Variants in NLRP5 observed in about 807,000 individuals in gnomAD.
NLRP5 encodes NACHT, LRR and PYD domains-containing protein 5.
NLRP5 carries 93 observed loss-of-function variants against 113.1 expected under a neutral mutation model. The ratio of observed to expected loss-of-function variants is 0.82; its 90% CI spans 0.70 to 0.98. NLRP5 has a LOEUF of 0.98. Ranked by LOEUF, NLRP5 falls within the 50% of genes least tolerant of loss-of-function variation. NLRP5 has a pLI of 0.00. For missense variants in NLRP5, 1,808 were observed against 1,514.3 expected, an observed-to-expected ratio of 1.19 and a Z score of -3.22; for synonymous variants, 751 against 600.7, an observed-to-expected ratio of 1.25 and a Z score of -3.66.
At chr19:56,013,596 G>GTTTTTTTTTTTTTTTTTTTTTTGTT (rs71183002) in intron 3 of NLRP5, among the ~76,000 whole-genome samples, 1 of 59,284 alleles carries the variant, frequency 1.7e-5, no homozygotes, top group African/African-American at 8.7e-5. Flanking sequence ...GGACATTTGG[G>GTTTTTTTTTTTTTTTTTTTTTTGTT]TTTTTTTTTT....
Position 56,061,423 on chromosome 19 carries a change from A to T in NLRP5, c.3498A>T (p.Gln1166His). Reference sequence around the variant, plus strand: ...TGTGGAAATGGCAGTACCCTGTGCAAATAAGGAAGCTGCTGGAGGAAGTGC... The same window carrying T: ...TGTGGAAATGGCAGTACCCTGTGCATATAAGGAAGCTGCTGGAGGAAGTGC... The change falls in exon 15 of 15, where the codon CAA becomes CAT. Residue 1166 changes from glutamine (Q) to histidine (H), a missense_variant. Physicochemically the swap from Gln to His is conservative, Grantham distance 24. Coordinates refer to ENST00000390649, the MANE Select transcript of NLRP5 (RefSeq NM_153447.4). 1 of 1,614,008 alleles carries T rather than the reference A, an allele frequency of 6.2e-7. No homozygotes were observed. Among genetic ancestry groups the T allele is most frequent in the Non-Finnish European group, 8.5e-7 (1 of 1,179,884 alleles).
At chr19:56,012,647 TTTGGAACGATCTTACAATTATTTTCC>T (rs146585823) in intron 3 of NLRP5, among the ~76,000 whole-genome samples, 48,670 of 150,676 alleles carry the variant, frequency 0.32, 8,019 homozygotes, top group Non-Finnish European at 0.36. Context: ...TTTTGCATAA[TTTGGAACGATCTTACAATTATTTTCC>T]TTGGAACGAT....
In NLRP5 at chr19:56,038,159, C is replaced by T. The variant is rs1983387878; in HGVS notation, c.2750C>T (p.Ala917Val). The T allele has an allele frequency of 1.2e-6, 2 of 1,613,932 alleles. No individual in the cohort carries two copies. Among genetic ancestry groups the T allele is most frequent in the Admixed American group, 1.7e-5 (1 of 60,006 alleles). The change falls in exon 10 of 15, where the codon GCC becomes GTC. Residue 917 changes from alanine to valine, a missense_variant. By Grantham distance (64) the Ala-to-Val change is moderately conservative. Transcript: ENST00000390649. ...CAGGGAGTAATGCCTCTCAGTGATG[C>T]CTTGAGAGTCTCCCAGTGCGCCCTG...
At chr19:56,008,655 C>T in intron 2 of NLRP5, 133 bp from the exon 3 acceptor site, 4 of 755,678 alleles carry the variant, frequency 5.3e-6, no homozygotes, top group Admixed American at 4.4e-5. Flanking sequence ...ATAGGCCAAT[C>T]ATGGAATAAA....
At chr19:56,020,035 C>T (rs1187564249) in intron 5 of NLRP5, among the ~76,000 whole-genome samples, 2 of 151,814 alleles carry the variant, frequency 1.3e-5, no homozygotes, top group South Asian at 2.1e-4. Flanking sequence ...TGGGGTTTCA[C>T]CATATTGGCC....
At chr19:56,019,749 CCTT>C (rs2123292409) in intron 5 of NLRP5, among the ~76,000 whole-genome samples, 1 of 152,164 alleles carries the variant, frequency 6.6e-6, no homozygotes, top group South Asian at 2.1e-4. Context: ...TTTTGTAATT[CCTT>C]CTATCAACTA....
chr19:56,053,442 C>T (rs879821307), intron 12 of NLRP5, among the ~76,000 whole-genome samples, 196 bp from the exon 13 acceptor site: 2 of 152,272 alleles, frequency 1.3e-5, no homozygotes, highest in East Asian at 1.9e-4. Context: ...TCACACCAGA[C>T]ACTTTCCCCG....
rs752626133 is a variant in NLRP5 at position 56,032,606 on chromosome 19, C to T, written c.2277-5C>T. ...GAGCCCATGTTTCTATCCCCCCTGACATAGGATGCGGGATAAGACCCTCAT... is the reference window on the plus strand; with the variant it reads ...GAGCCCATGTTTCTATCCCCCCTGATATAGGATGCGGGATAAGACCCTCAT... On this transcript the variant is annotated splice_region_variant and splice_polypyrimidine_tract_variant and intron_variant, in intron 7 of 14. Coordinates refer to ENST00000390649, the MANE Select transcript of NLRP5 (RefSeq NM_153447.4). The T allele has an allele frequency of 6.2e-7, 1 of 1,610,136 alleles. No individual in the cohort carries two copies. The highest frequency in any genetic ancestry group is 1.1e-5 in the South Asian group (1 of 90,372).
intron 7 of NLRP5, among the ~76,000 whole-genome samples, chr19:56,031,916 G>A (rs553352992): frequency 5.1e-4 from 77 of 152,152 alleles, no homozygotes; most frequent in Non-Finnish European, 8.2e-4. Flanking sequence ...CAGTTCTTCC[G>A]GGTATACACC....
intron 2 of NLRP5, 33 bp downstream of exon 2, chr19:56,004,128 GA>G: frequency 6.4e-7 from 1 of 1,557,586 alleles, no homozygotes; most frequent in Non-Finnish European, 8.7e-7. Context: ...CTAGGGCAGG[GA>G]GGGGAGGTGA....
intron 13 of NLRP5, among the ~76,000 whole-genome samples, chr19:56,055,796 T>G (rs374678803): frequency 2.6e-4 from 40 of 151,140 alleles, no homozygotes; most frequent in Non-Finnish European, 2.4e-4. Flanking sequence ...CTGCCCGCCT[T>G]GGCCTCCCAA....
rs1450682186 is a variant in NLRP5, at chr19:56,027,433, C to T, written c.1200C>T (p.Leu400=). ...GCAGTCTGCTGAGGAAGGTCCTGCT[C>T]CCTGAGTCCTTCCTGATCGTCACCG... Residue 400 remains leucine (L), a synonymous_variant, in exon 7 of 15, where the codon CTC becomes CTT. Coordinates refer to ENST00000390649, the MANE Select transcript of NLRP5 (RefSeq NM_153447.4). 6.2e-7 allele frequency: 1 copy of T among 1,613,558 alleles called. No individual in the cohort carries two copies. Among genetic ancestry groups the T allele is most frequent in the Non-Finnish European group, 8.5e-7 (1 of 1,179,736 alleles).
intron 14 of NLRP5, 60 bp downstream of exon 14, chr19:56,058,470 C>A: frequency 1.4e-6 from 2 of 1,473,462 alleles, no homozygotes; most frequent in South Asian, 1.3e-5. Context: ...GGCTTGTTAG[C>A]TGGTGGAGAA....
intron 9 of NLRP5, among the ~76,000 whole-genome samples, chr19:56,037,289 C>T (rs899626494): frequency 2.0e-5 from 3 of 152,228 alleles, no homozygotes; most frequent in East Asian, 1.9e-4. Flanking sequence ...CAGGCACCGT[C>T]GCAGCTGCCG....
At position 56,028,389 on chromosome 19, in the gene NLRP5, A is replaced by G; in HGVS notation, c.2156A>G (p.Asp719Gly). ...TGGCTTCCGATTAACCAGAACCTGG[A>G]CTTGATAGCATCTTCCTTCTGCCTC... The change falls in exon 7 of 15, where the codon GAC becomes GGC. Residue 719 changes from aspartate to glycine, a missense_variant. Coordinates refer to ENST00000390649, the MANE Select transcript of NLRP5 (RefSeq NM_153447.4). The G allele has an allele frequency of 1.2e-6, 2 of 1,613,988 alleles. No individual in the cohort carries two copies. The highest frequency in any genetic ancestry group is 1.7e-6 in the Non-Finnish European group (2 of 1,179,890).
chr19:56,027,117 T>C lies in NLRP5; in HGVS notation c.884T>C (p.Leu295Pro). 6.3e-7 allele frequency: 1 copy of C among 1,586,646 alleles called. No homozygotes were observed. Among genetic ancestry groups the C allele is most frequent in the Non-Finnish European group, 8.6e-7 (1 of 1,166,456 alleles). The change falls in exon 7 of 15, where the codon CTA becomes CCA. Residue 295 changes from leucine to proline, a missense_variant. Physicochemically the swap from Leu to Pro is moderately conservative, Grantham distance 98. Coordinates refer to ENST00000390649, the MANE Select transcript of NLRP5 (RefSeq NM_153447.4). ...AAGTCAGGAATTGGGAAATCGGCTC[T>C]AGCCAGAAGGATCGTGCTGTGCTGG...
chr19:56,009,542 T>G (rs1982100485), intron 3 of NLRP5, among the ~76,000 whole-genome samples: 1 of 151,956 alleles, frequency 6.6e-6, no homozygotes. Context: ...AGCACTGACC[T>G]CATGCCAGCC....
Position 56,019,386 on chromosome 19 carries a change from A to C in NLRP5, c.610A>C (p.Thr204Pro), listed in dbSNP as rs758064527. The change falls in exon 5 of 15, where the codon ACA (threonine) becomes CCA (proline). Residue 204 changes from threonine (T) to proline (P), a missense_variant. By Grantham distance (38) the Thr-to-Pro change is conservative. Coordinates refer to ENST00000390649, the MANE Select transcript of NLRP5 (RefSeq NM_153447.4). ...ACAAGAAGGTGCCACAGCAGCAGAG[A>C]CAGAAGAACAAGGTGAGGAAAATAG... 1 of 1,613,850 alleles carries C rather than the reference A, an allele frequency of 6.2e-7. No homozygotes were observed. The highest frequency in any genetic ancestry group is 1.3e-5 in the African/African-American group (1 of 74,940).
chr19:56,055,533 C>CTT (rs1491011983), intron 13 of NLRP5, among the ~76,000 whole-genome samples: 9 of 99,550 alleles, frequency 9.0e-5, no homozygotes, highest in South Asian at 3.3e-4. Flanking sequence ...TTTTCTTTCT[C>CTT]TGTCTTTTTT....
Sources: allele counts gnomAD v4.1 joint callset (sites outside exome capture counted in the v4.1 genomes callset), GRCh38; gene constraint gnomAD v4.1.1; transcripts MANE v1.5; gene names NCBI Gene and HGNC (gene_info 2026-07-23, HGNC 2026-07-21).